The following DOCK10 variants were observed in gnomAD, a reference collection of about 807,000 sequenced individuals.
DOCK10 encodes the protein dedicator of cytokinesis 10, also known as dedicator of cytokinesis protein 10.
Under a neutral mutation model 280.1 loss-of-function variants are expected in DOCK10, and 145 were observed. The ratio of observed to expected loss-of-function variants is 0.52; its 90% CI spans 0.45 to 0.59. The LOEUF (loss-of-function observed/expected upper bound fraction) is 0.59. Among genes scored for constraint, DOCK10 ranks in the 20% least tolerant of loss-of-function variants. The probability of loss-of-function intolerance (pLI) is 0.00; values close to 1 mark genes in which losing one functional copy is unlikely to be tolerated. For synonymous variants in DOCK10, 915 were observed against 942.2 expected, an observed-to-expected ratio of 0.97 and a Z score of 0.53; for missense variants, 2,368 against 2,651.7, an observed-to-expected ratio of 0.89 and a Z score of 2.35.
intron 1 of DOCK10, among the ~76,000 whole-genome samples, chr2:224,944,602 A>G (rs1703289707): frequency 6.6e-6 from 1 of 152,230 alleles, no homozygotes; most frequent in Non-Finnish European, 1.5e-5. Flanking sequence ...AACTTGCCCA[A>G]GGTCATATAG....
At chr2:224,906,776 G>A (rs1004822737) in intron 3 of DOCK10, among the ~76,000 whole-genome samples, 3 of 152,208 alleles carry the variant, frequency 2.0e-5, no homozygotes, top group African/African-American at 7.2e-5. Context: ...ACCGCACCCG[G>A]CCTTGTTTAT....
Position 225,042,123 on chromosome 2 carries a change from A to AG in DOCK10, c.123+128dup. The AG allele has an allele frequency of 9.3e-7, 1 of 1,074,158 alleles. No individual in the cohort carries two copies. The highest frequency in any genetic ancestry group is 1.2e-6 in the Non-Finnish European group (1 of 851,694). 66.5% of individuals were successfully genotyped at this position (1,074,158 alleles called of 1,614,324 possible). On this transcript the variant is annotated intron_variant, in intron 1 of 55. Transcript: ENST00000258390. This position sits in a 1 kb window ranked among gnomAD's most constrained non-coding sequence, Gnocchi z 5.1. ...GGGGAGCCCGCAGAGGCGGCGGGGG[A>AG]GGGAGTGCGGAGGAGAGGACCCGTG...
At chr2:224,901,391 A>G (rs913372593) in intron 3 of DOCK10, among the ~76,000 whole-genome samples, 1 of 152,196 alleles carries the variant, frequency 6.6e-6, no homozygotes, top group Non-Finnish European at 1.5e-5. Context: ...TTCAAAGGCA[A>G]AGGCTGTGAA....
Position 224,770,603 on chromosome 2 carries a change from C to T in DOCK10, c.6247G>A (p.Glu2083Lys). 1 of 1,613,990 alleles carries T rather than the reference C, an allele frequency of 6.2e-7. No homozygotes were observed. The highest frequency in any genetic ancestry group is 1.1e-5 in the South Asian group (1 of 91,078). The change falls in exon 54 of 56, where the codon GAA (glutamate) becomes AAA (lysine). Residue 2083 changes from glutamate to lysine, a missense_variant. By Grantham distance (56) the Glu-to-Lys change is moderately conservative. Coordinates refer to ENST00000258390, the MANE Select transcript of DOCK10 (RefSeq NM_014689.3). The surrounding 1 kb of genome is among the most constrained non-coding windows in gnomAD (Gnocchi z 4.5). The part of the protein sequence containing the change: ...PMAYARAFLE[E>K]TNAKKYPDNQ... ...TCAGGGTACTTCTTTGCATTGGTTT[C>T]TTCAAGAAAAGCTCGTGCATAGGCC...
chr2:224,814,319 C>G lies in DOCK10; in HGVS notation c.3409+1G>C. 6.5e-7 allele frequency: 1 copy of G among 1,527,286 alleles called. No homozygotes were observed. Among genetic ancestry groups the G allele is most frequent in the East Asian group, 2.5e-5 (1 of 39,896 alleles). The allele number at this position is 1,527,286 out of a possible 1,614,324, so 94.6% of individuals were successfully genotyped here. On this transcript the variant is annotated splice_donor_variant, in intron 31 of 55. Coordinates refer to ENST00000258390, the MANE Select transcript of DOCK10 (RefSeq NM_014689.3). LOFTEE classifies it high-confidence loss of function. ...TGCTTAGGTAAGGTAATATCACTTA[C>G]CTGATGCATGTAACTCTTGAGTCGA...
chr2:225,001,747 C>T (rs1706435835), intron 1 of DOCK10, among the ~76,000 whole-genome samples: 1 of 152,176 alleles, frequency 6.6e-6, no homozygotes, highest in African/African-American at 2.4e-5. Flanking sequence ...AGTCCATGAT[C>T]GAGGCGTCGG....
intron 1 of DOCK10, among the ~76,000 whole-genome samples, chr2:225,031,948 C>T (rs1690090344): frequency 6.6e-6 from 1 of 152,180 alleles, no homozygotes; most frequent in African/African-American, 2.4e-5. Flanking sequence ...GATGTGTGAA[C>T]AGCCATTCCC....
intron 15 of DOCK10, 76 bp from the exon 16 acceptor site, chr2:224,855,118 T>G: frequency 1.0e-6 from 1 of 975,260 alleles, no homozygotes; most frequent in South Asian, 2.0e-5. Context: ...TATTCCAATT[T>G]TCAAGGAAAA....
intron 4 of DOCK10, among the ~76,000 whole-genome samples, chr2:224,894,607 T>G (rs4674948): frequency 0.34 from 52,302 of 152,084 alleles, 9,971 homozygotes; most frequent in African/African-American, 0.5. Context: ...CAATTACTCA[T>G]GAAAGCTTAG....
At chr2:224,855,677 C>T (rs1483390707) in intron 15 of DOCK10, among the ~76,000 whole-genome samples, 36 of 152,150 alleles carry the variant, frequency 2.4e-4, no homozygotes, top group Admixed American at 2.4e-3. Context: ...GCCAATCTTC[C>T]TTTAGAGTAA....
chr2:224,996,342 A>G (rs1706271479), intron 1 of DOCK10, among the ~76,000 whole-genome samples: 1 of 152,260 alleles, frequency 6.6e-6, no homozygotes, highest in African/African-American at 2.4e-5. Flanking sequence ...ACTTGTAGAC[A>G]TGAATTCAAT....
intron 1 of DOCK10, among the ~76,000 whole-genome samples, chr2:225,035,588 AACAC>A (rs1559987142): frequency 4.6e-4 from 52 of 112,956 alleles, no homozygotes; most frequent in African/African-American, 2.1e-3. Context: ...ATATATATAT[AACAC>A]TGAATCAGTG....
rs149986702 is a variant in DOCK10 at position 224,996,467 on chromosome 2, G to C, written c.123+45785C>G. On this transcript the variant is annotated intron_variant, in intron 1 of 55. Coordinates refer to ENST00000258390, the MANE Select transcript of DOCK10 (RefSeq NM_014689.3). ...TTCATCTGTAAACTAAGGAGAGTAA[G>C]TGTAATGACAGTTAGGATGCCCATA... Among the ~76,000 whole-genome samples, 5 of 152,346 alleles carry C rather than the reference G, an allele frequency of 3.3e-5. No individual in the cohort carries two copies. In the East Asian group the frequency reaches 9.6e-4, roughly 29 times the overall value.
intron 30 of DOCK10, 96 bp from the exon 31 acceptor site, chr2:224,814,460 T>C: frequency 1.8e-6 from 1 of 561,000 alleles, no homozygotes; most frequent in Non-Finnish European, 2.8e-6. Context: ...ACAATTAAAC[T>C]ATATTATTTA....
At chr2:224,968,233 T>TGACCGAAA (rs1206123060) in intron 1 of DOCK10, among the ~76,000 whole-genome samples, 39 of 152,236 alleles carry the variant, frequency 2.6e-4, no homozygotes, top group Non-Finnish European at 4.4e-5. Flanking sequence ...GTATTTTTGC[T>TGACCGAAA]GACCGAAATA....
intron 13 of DOCK10, among the ~76,000 whole-genome samples, 157 bp downstream of exon 13, chr2:224,864,396 G>A (rs1422159548): frequency 6.6e-6 from 1 of 152,220 alleles, no homozygotes; most frequent in East Asian, 1.9e-4. Flanking sequence ...TCTAATCCCA[G>A]CTACTGGGGA....
chr2:224,770,108 G>A lies in DOCK10; in HGVS notation c.6444+103C>T. 7.7e-7 allele frequency: 1 copy of A among 1,302,858 alleles called. No homozygotes were observed. The highest frequency in any genetic ancestry group is 1.0e-6 in the Non-Finnish European group (1 of 989,260). The allele number at this position is 1,302,858 out of a possible 1,614,324, so 80.7% of individuals were successfully genotyped here. On this transcript the variant is annotated intron_variant, in intron 55 of 55. Coordinates refer to ENST00000258390, the MANE Select transcript of DOCK10 (RefSeq NM_014689.3). This position sits in a 1 kb window ranked among gnomAD's most constrained non-coding sequence, Gnocchi z 4.5. The stretch of plus-strand genomic sequence containing the variant: ...ATCAGCAACATGGTGCTGATGCAGT[G>A]ATTTCTGCAGCAAGAAAAGGGCCTC...
In DOCK10 at chr2:224,789,110, C is replaced by T. The variant is rs933648801; in HGVS notation, c.5372G>A (p.Gly1791Glu). ...LSITPNIKEE[G>E]AMKEDSGMQD... ...CATTCCAGAATCCTCTTTCATCGCTCCTTCTTCCTTAATGTTTGGTGTAAT... is the reference window on the plus strand; with the variant it reads ...CATTCCAGAATCCTCTTTCATCGCTTCTTCTTCCTTAATGTTTGGTGTAAT... The change falls in exon 48 of 56, where the codon GGA becomes GAA. Residue 1791 changes from glycine to glutamate, a missense_variant. Physicochemically the swap from Gly to Glu is moderately conservative, Grantham distance 98. Around this residue, in one of 2 missense-constraint regions of DOCK10, gnomAD observed 1,159 missense variants for 1,400.8 expected, o/e 0.83. Coordinates refer to ENST00000258390, the MANE Select transcript of DOCK10 (RefSeq NM_014689.3). The T allele has an allele frequency of 6.2e-7, 1 of 1,613,730 alleles. No individual in the cohort carries two copies. Among genetic ancestry groups the T allele is most frequent in the Non-Finnish European group, 8.5e-7 (1 of 1,179,784 alleles).
chr2:224,808,962 G>T (rs771394583), intron 31 of DOCK10, among the ~76,000 whole-genome samples: 7 of 152,034 alleles, frequency 4.6e-5, no homozygotes, highest in African/African-American at 9.7e-5. Flanking sequence ...TAACTCACTA[G>T]GAAAAGTTGA....
Sources: allele counts gnomAD v4.1 joint callset (sites outside exome capture counted in the v4.1 genomes callset), GRCh38; gene constraint gnomAD v4.1.1; regional missense constraint gnomAD v4.1.1; non-coding constraint Gnocchi (gnomAD v3.1); transcripts MANE v1.5; gene names NCBI Gene and HGNC (gene_info 2026-07-23, HGNC 2026-07-21).